GRIK2: variants seen among roughly 807,000 people sequenced by gnomAD.
GRIK2 encodes the protein glutamate ionotropic receptor kainate type subunit 2.
GRIK2 carries 32 observed loss-of-function variants against 100.3 expected under a neutral mutation model. That is an observed-to-expected ratio of 0.32 (90% CI 0.24 to 0.43). The LOEUF is 0.43. GRIK2 is among the 20% of genes least tolerant of loss of function. The pLI, the probability that GRIK2 is intolerant of heterozygous loss-of-function variation, is 1.00. For synonymous variants in GRIK2, 417 were observed against 389.4 expected (o/e 1.07, Z -0.83); for missense variants, 843 against 1,114.9 (o/e 0.76, Z 3.47).
chr6:102,002,443 A>G (rs2023612), intron 14 of GRIK2, among the ~76,000 whole-genome samples: 16,205 of 148,700 alleles, frequency 0.11, 2,443 homozygotes, highest in African/African-American at 0.34. Context: ...ATACACATAT[A>G]TGTATATATA....
chr6:101,834,846 A>G (rs569450027), intron 10 of GRIK2, among the ~76,000 whole-genome samples: 13 of 152,126 alleles, frequency 8.5e-5, no homozygotes, highest in Admixed American at 4.6e-4. Context: ...AAATAATAAA[A>G]TAAAAAAAAA....
chr6:101,568,665 C>T (rs144230923), intron 2 of GRIK2, among the ~76,000 whole-genome samples: 96 of 152,148 alleles, frequency 6.3e-4, no homozygotes, highest in African/African-American at 2.2e-3. Flanking sequence ...CTGTGCAATG[C>T]AAATGTCAAC....
chr6:101,665,539 C>T (rs1216528779), intron 4 of GRIK2, among the ~76,000 whole-genome samples: 5 of 152,194 alleles, frequency 3.3e-5, no homozygotes, highest in East Asian at 1.9e-4. Flanking sequence ...TGCATCAAAA[C>T]ATCCTTGGCA....
chr6:101,789,804 C>T (rs1488768789), intron 7 of GRIK2, among the ~76,000 whole-genome samples: 2 of 152,162 alleles, frequency 1.3e-5, no homozygotes, highest in African/African-American at 4.8e-5. Context: ...GGCATTATGG[C>T]CATTTTCATG....
chr6:101,632,085 A>G (rs1036756099), intron 4 of GRIK2, among the ~76,000 whole-genome samples: 1 of 152,116 alleles, frequency 6.6e-6, no homozygotes, highest in African/African-American at 2.4e-5. Context: ...CCTCCTAGCC[A>G]TGAAGTGCAC....
intron 2 of GRIK2, among the ~76,000 whole-genome samples, chr6:101,455,810 G>A (rs1326078669): frequency 2.0e-5 from 3 of 151,990 alleles, no homozygotes; most frequent in Admixed American, 6.6e-5. Flanking sequence ...AGAAAATAAC[G>A]GTATTTATGA....
At chr6:101,742,552 G>A (rs534612669) in intron 7 of GRIK2, among the ~76,000 whole-genome samples, 1 of 152,268 alleles carries the variant, frequency 6.6e-6, no homozygotes, top group African/African-American at 2.4e-5. Flanking sequence ...GGAGGCATGA[G>A]ACATTAATCA....
At chr6:101,727,313 C>T (rs1014549670) in intron 7 of GRIK2, among the ~76,000 whole-genome samples, 27 of 152,010 alleles carry the variant, frequency 1.8e-4, no homozygotes. Context: ...AAAATAGATG[C>T]TATAATTCAT....
At chr6:101,464,609 C>G (rs898494480) in intron 2 of GRIK2, among the ~76,000 whole-genome samples, 9 of 141,278 alleles carry the variant, frequency 6.4e-5, no homozygotes, top group Non-Finnish European at 1.4e-4. Context: ...CTCCGCCTCT[C>G]GGGTTCACGC....
intron 7 of GRIK2, among the ~76,000 whole-genome samples, chr6:101,797,400 T>C (rs936350029): frequency 7.2e-5 from 11 of 151,812 alleles, no homozygotes; most frequent in African/African-American, 2.7e-4. Flanking sequence ...TTGTTAGCTG[T>C]GTGATTTCAA....
chr6:101,447,231 A>T (rs1770431209), intron 2 of GRIK2, among the ~76,000 whole-genome samples: 1 of 151,482 alleles, frequency 6.6e-6, no homozygotes, highest in Non-Finnish European at 1.5e-5. Context: ...AATTGTTGGA[A>T]AAAGGTACCT....
At chr6:101,811,163 T>C (rs967937288) in intron 9 of GRIK2, among the ~76,000 whole-genome samples, 1 of 152,120 alleles carries the variant, frequency 6.6e-6, no homozygotes, top group Non-Finnish European at 1.5e-5. Context: ...AAGAAATTTC[T>C]TTAAGCAAAC....
At chr6:101,948,270 T>C (rs1791392563) in intron 14 of GRIK2, among the ~76,000 whole-genome samples, 1 of 151,204 alleles carries the variant, frequency 6.6e-6, no homozygotes, top group African/African-American at 2.4e-5. Flanking sequence ...TCCTTATTCC[T>C]GTGTCTTCAA....
At chr6:101,585,074 T>A (rs891021122) in intron 2 of GRIK2, among the ~76,000 whole-genome samples, 10 of 152,042 alleles carry the variant, frequency 6.6e-5, no homozygotes, top group Admixed American at 6.6e-4. Context: ...ATTTCTCAGC[T>A]ATATGAATAA....
At chr6:101,447,058 T>C (rs1426870344) in intron 2 of GRIK2, among the ~76,000 whole-genome samples, 2 of 145,982 alleles carry the variant, frequency 1.4e-5, no homozygotes, top group East Asian at 3.9e-4. Context: ...TATGTTTGTG[T>C]ATATATATAT....
chr6:102,014,723 T>C (rs967391763), intron 14 of GRIK2, among the ~76,000 whole-genome samples: 1 of 152,206 alleles, frequency 6.6e-6, no homozygotes, highest in African/African-American at 2.4e-5. Flanking sequence ...TGTTGTTTCA[T>C]TTCCATCTAA....
intron 7 of GRIK2, among the ~76,000 whole-genome samples, chr6:101,741,944 C>G (rs1205359824): frequency 6.6e-6 from 1 of 152,160 alleles, no homozygotes. Flanking sequence ...CCAAAGTTAA[C>G]AGCTAATAAA....
At chr6:101,654,733 C>A (rs1781975384) in intron 4 of GRIK2, among the ~76,000 whole-genome samples, 2 of 152,146 alleles carry the variant, frequency 1.3e-5, no homozygotes, top group South Asian at 4.1e-4. Context: ...GTACATCTCA[C>A]AGCTGAGACC....
At chr6:101,481,449 T>C (rs1362760510) in intron 2 of GRIK2, among the ~76,000 whole-genome samples, 1 of 152,186 alleles carries the variant, frequency 6.6e-6, no homozygotes, top group Non-Finnish European at 1.5e-5. Flanking sequence ...TAGCTATTGA[T>C]AATACCATAT....
Sources: gnomAD v4.1 joint callset for allele counts (sites outside exome capture counted in the v4.1 genomes callset) on GRCh38, gnomAD v4.1.1 for gene constraint, MANE v1.5 for transcripts, NCBI Gene and HGNC (gene_info 2026-07-23, HGNC 2026-07-21) for gene names.